SRSF12: variants seen among roughly 807,000 people sequenced by gnomAD.
The protein encoded by SRSF12 is serine and arginine rich splicing factor 12.
Under a neutral mutation model 34.1 loss-of-function variants are expected in SRSF12, and 21 were observed. That is an observed-to-expected ratio of 0.62 (90% confidence interval 0.44 to 0.89). The LOEUF (loss-of-function observed/expected upper bound fraction) is 0.89, where lower values mean the gene tolerates loss of function less well. Among genes scored for constraint, SRSF12 ranks in the 40% least tolerant of loss-of-function variants. The probability of loss-of-function intolerance (pLI) is 0.00; values close to 1 mark genes in which losing one functional copy is unlikely to be tolerated. For missense variants in SRSF12, 278 were observed against 327.8 expected, an observed-to-expected ratio of 0.85 and a Z score of 1.17; for synonymous variants, 111 against 110.8, an observed-to-expected ratio of 1.00 and a Z score of -0.01.
intron 1 of SRSF12, among the ~76,000 whole-genome samples, chr6:89,116,541 G>A (rs1281146985): frequency 6.6e-6 from 1 of 152,092 alleles, no homozygotes; most frequent in Non-Finnish European, 1.5e-5. Context: ...TTGGGAGGCC[G>A]AGCTGGGCGG....
In SRSF12 at chr6:89,098,268, C is replaced by G. The variant is rs1453395086; in HGVS notation, c.*310G>C. 4.2e-6 allele frequency: 1 copy of G among 239,412 alleles called. No homozygotes were observed. The highest frequency in any genetic ancestry group is 8.1e-6 in the Non-Finnish European group (1 of 122,794). 14.8% of individuals were successfully genotyped at this position (239,412 alleles called of 1,614,324 possible). A position where few individuals can be genotyped will look rare whatever the true frequency, so the allele number is the denominator to read the frequency against. ...AAAGGTATTATTAATAGTACTAATA[C>G]TATGCAAGTAGAATTTTAAAAATTA... is the stretch of plus-strand genomic sequence containing the variant. On this transcript the variant is annotated 3_prime_UTR_variant, in exon 5 of 5. Coordinates refer to ENST00000452027, the MANE Select transcript of SRSF12 (RefSeq NM_080743.5).
intron 1 of SRSF12, 147 bp downstream of exon 1, chr6:89,117,676 C>A (rs1429102186): frequency 2.2e-5 from 16 of 743,134 alleles, no homozygotes; most frequent in Non-Finnish European, 3.9e-6. Context: ...TCCGAGGGCT[C>A]ACACCTCCCC....
Position 89,096,912 on chromosome 6 carries a change from G to T in SRSF12, c.*1666C>A, listed in dbSNP as rs1441720700. Reference sequence around the variant, plus strand: ...CTTCAGATTATCCTTTAGATTTTCAGTAGTGCCACATAATTTTATAACTAA... The same window carrying T: ...CTTCAGATTATCCTTTAGATTTTCATTAGTGCCACATAATTTTATAACTAA... On this transcript the variant is annotated 3_prime_UTR_variant, in exon 5 of 5. Coordinates refer to ENST00000452027, the MANE Select transcript of SRSF12 (RefSeq NM_080743.5). The T allele has an allele frequency of 3.3e-5, 5 of 152,148 alleles. No homozygotes were observed. The highest frequency in any genetic ancestry group is 1.2e-4 in the African/African-American group (5 of 41,418). 9.4% of individuals were successfully genotyped at this position (152,148 alleles called of 1,614,324 possible).
intron 1 of SRSF12, among the ~76,000 whole-genome samples, chr6:89,110,456 C>T (rs922743307): frequency 2.6e-5 from 4 of 151,988 alleles, no homozygotes; most frequent in Non-Finnish European, 5.9e-5. Flanking sequence ...TGGAGGGAGG[C>T]GACCAATTAG....
chr6:89,098,467 A>C lies in SRSF12; in HGVS notation c.*111T>G. On this transcript the variant is annotated 3_prime_UTR_variant, in exon 5 of 5. Coordinates refer to ENST00000452027, the MANE Select transcript of SRSF12 (RefSeq NM_080743.5). ...GATTTTATTTCTTCCATATGCCCAAAGTAACTAATATCAACTCGCATTTTC... is the reference window on the plus strand; with the variant it reads ...GATTTTATTTCTTCCATATGCCCAACGTAACTAATATCAACTCGCATTTTC... 7.4e-7 allele frequency: 1 copy of C among 1,358,490 alleles called. No homozygotes were observed. The highest frequency in any genetic ancestry group is 9.8e-7 in the Non-Finnish European group (1 of 1,024,532). 84.2% of individuals were successfully genotyped at this position (1,358,490 alleles called of 1,614,324 possible).
chr6:89,110,457 G>A (rs537771790), intron 1 of SRSF12, among the ~76,000 whole-genome samples: 12 of 152,150 alleles, frequency 7.9e-5, no homozygotes, highest in Middle Eastern at 3.4e-3. Flanking sequence ...GGAGGGAGGC[G>A]ACCAATTAGA....
chr6:89,111,253 C>T lies in SRSF12; in HGVS notation c.66-3995G>A, dbSNP rs558637251. Among the ~76,000 whole-genome samples the T allele has an allele frequency of 2.6e-5, 4 of 152,262 alleles. No homozygotes were observed. In the East Asian group the frequency reaches 7.7e-4, roughly 29 times the overall value. Reference sequence around the variant, plus strand: ...CCTCCCAAGTAGCTGGGATTACAGGCATGTGCCAGCACACCTTGTTTATTC... The same window carrying T: ...CCTCCCAAGTAGCTGGGATTACAGGTATGTGCCAGCACACCTTGTTTATTC... On this transcript the variant is annotated intron_variant, in intron 1 of 4. Coordinates refer to ENST00000452027, the MANE Select transcript of SRSF12 (RefSeq NM_080743.5).
intron 4 of SRSF12, among the ~76,000 whole-genome samples, chr6:89,102,127 G>T (rs981590072): frequency 2.0e-5 from 3 of 150,870 alleles, no homozygotes; most frequent in African/African-American, 4.9e-5. Context: ...ACCATGTAGA[G>T]CCTCTTCAAT....
intron 1 of SRSF12, among the ~76,000 whole-genome samples, 199 bp downstream of exon 1, chr6:89,117,624 G>C (rs959151996): frequency 6.6e-6 from 1 of 152,060 alleles, no homozygotes; most frequent in East Asian, 1.9e-4. Flanking sequence ...AAAGCTGGCC[G>C]GGAGGGCGGA....
chr6:89,107,756 C>T (rs972207389), intron 1 of SRSF12, among the ~76,000 whole-genome samples: 3 of 151,784 alleles, frequency 2.0e-5, no homozygotes, highest in Admixed American at 6.6e-5. Flanking sequence ...AAAGAAAACA[C>T]GAAAAAAACC....
intron 1 of SRSF12, among the ~76,000 whole-genome samples, chr6:89,110,720 T>C (rs745432437): frequency 5.9e-5 from 9 of 152,030 alleles, no homozygotes; most frequent in Non-Finnish European, 1.2e-4. Flanking sequence ...TCAGTATCAC[T>C]AGCAAAGAAA....
intron 4 of SRSF12, among the ~76,000 whole-genome samples, chr6:89,104,009 T>C (rs1007693636): frequency 7.3e-6 from 1 of 136,722 alleles, no homozygotes; most frequent in Admixed American, 7.3e-5. Flanking sequence ...TTTTTTTTTT[T>C]TTTTTTTTGG....
In SRSF12 at chr6:89,102,246, C is replaced by T. The variant is rs111939978; in HGVS notation, c.416+2873G>A. On this transcript the variant is annotated intron_variant, in intron 4 of 4. Coordinates refer to ENST00000452027, the MANE Select transcript of SRSF12 (RefSeq NM_080743.5). ...GCAACCTCTGTCTCCCGGGTTCAAG[C>T]GATTCTCCTGCCTCAACCTCCCAAG... is the stretch of plus-strand genomic sequence containing the variant. 2.4e-3 allele frequency among the ~76,000 whole-genome samples: 363 copies of T among 151,972 alleles called. 4 individuals carry two copies. The highest frequency in any genetic ancestry group is 8.0e-3 in the African/African-American group (330 of 41,448).
At chr6:89,106,929 C>T in intron 2 of SRSF12, 2 of 566,468 alleles carry the variant, frequency 3.5e-6, no homozygotes, top group Admixed American at 2.2e-5. Context: ...ACTTTAGGTG[C>T]CTTTTGTCTC....
intron 4 of SRSF12, among the ~76,000 whole-genome samples, chr6:89,102,796 G>C (rs1353307326): frequency 6.6e-6 from 1 of 152,102 alleles, no homozygotes; most frequent in African/African-American, 2.4e-5. Context: ...CTGTTGCCCA[G>C]GTTGGAGTGC....
intron 1 of SRSF12, among the ~76,000 whole-genome samples, chr6:89,110,450 G>A (rs1180370461): frequency 1.3e-5 from 2 of 152,078 alleles, no homozygotes; most frequent in Non-Finnish European, 2.9e-5. Context: ...GTCTGGTGGA[G>A]GGAGGCGACC....
rs376163570 is a variant in SRSF12, at chr6:89,112,468, A to T, written c.66-5210T>A. ...CTTTCTTTTTTTTTTTTTTTTGGAGACAGGGTCTCGCTCTGTTGCCCAGGC... is the reference window on the plus strand; with the variant it reads ...CTTTCTTTTTTTTTTTTTTTTGGAGTCAGGGTCTCGCTCTGTTGCCCAGGC... On this transcript the variant is annotated intron_variant, in intron 1 of 4. Transcript: ENST00000452027. Among the ~76,000 whole-genome samples, 26 of 137,286 alleles carry T rather than the reference A, an allele frequency of 1.9e-4. No homozygotes were observed. In the East Asian group the frequency reaches 4.8e-3, roughly 25 times the overall value. The allele number at this position is 137,286 out of a possible 152,430, so 90.1% of individuals were successfully genotyped here. A position where few individuals can be genotyped will look rare whatever the true frequency, so the allele number is the denominator to read the frequency against.
At chr6:89,107,947 A>G (rs1003534850) in intron 1 of SRSF12, among the ~76,000 whole-genome samples, 20 of 152,204 alleles carry the variant, frequency 1.3e-4, no homozygotes, top group Non-Finnish European at 1.5e-5. Context: ...TTTCACTAAG[A>G]ACACATTCAT....
At chr6:89,100,395 C>T (rs963513942) in intron 4 of SRSF12, among the ~76,000 whole-genome samples, 3 of 152,110 alleles carry the variant, frequency 2.0e-5, no homozygotes, top group South Asian at 4.1e-4. Context: ...TTTAACAACA[C>T]CCAAAACCAA....
Sources: gnomAD v4.1 joint callset for allele counts (sites outside exome capture counted in the v4.1 genomes callset) on GRCh38, gnomAD v4.1.1 for gene constraint, MANE v1.5 for transcripts, NCBI Gene and HGNC (gene_info 2026-07-23, HGNC 2026-07-21) for gene names.